Variants in ZNF678 observed in about 807,000 individuals in gnomAD.
ZNF678 encodes the protein hypothetical protein MGC42493.
A neutral mutation model predicts 3.0 loss-of-function variants in ZNF678; 5 were observed. That is an observed-to-expected ratio of 1.69 (90% confidence interval 0.88 to 3.56). ZNF678 has a LOEUF of 3.56. Among genes scored for constraint, ZNF678 ranks in the 30% most tolerant of loss-of-function variants. The pLI, the probability that ZNF678 is intolerant of heterozygous loss-of-function variation, is 0.00. For synonymous variants in ZNF678, 218 were observed against 199.6 expected, an observed-to-expected ratio of 1.09 and a Z score of -0.78; for missense variants, 593 against 605.0, an observed-to-expected ratio of 0.98 and a Z score of 0.21.
intron 1 of ZNF678, 123 bp downstream of exon 1, chr1:227,563,847 GC>G: frequency 1.1e-6 from 1 of 911,918 alleles, no homozygotes; most frequent in Non-Finnish European, 1.6e-6. Flanking sequence ...TAGGGGCGGG[GC>G]CAGGCCGCCG....
downstream of ZNF678, among the ~76,000 whole-genome samples, chr1:227,665,178 G>A (rs576846529): frequency 6.6e-5 from 10 of 152,322 alleles, no homozygotes; most frequent in East Asian, 1.7e-3. Context: ...GGGGTGGGAG[G>A]TAGCGTGGAC....
chr1:227,647,661 CT>C (rs1167215271), intron 2 of ZNF678, among the ~76,000 whole-genome samples: 5 of 152,164 alleles, frequency 3.3e-5, no homozygotes, highest in Non-Finnish European at 7.3e-5. Flanking sequence ...TTTTGTTTGT[CT>C]TCCCCTCACA....
chr1:227,590,276 C>G lies in ZNF678; in HGVS notation c.-164+26552C>G, dbSNP rs142905134. ...GTATCTTCGACTACTTGCCCCTGATCATCTATGTGCAGGCAGCAGTTGGTA... is the reference window on the plus strand; with the variant it reads ...GTATCTTCGACTACTTGCCCCTGATGATCTATGTGCAGGCAGCAGTTGGTA... On this transcript the variant is annotated intron_variant, in intron 1 of 3. Transcript: ENST00000343776. Among the ~76,000 whole-genome samples, 695 of 151,894 alleles carry G rather than the reference C, an allele frequency of 4.6e-3. 20 individuals carry two copies. The South Asian group carries it at 0.056, about 12-fold the overall frequency.
intron 1 of ZNF678, among the ~76,000 whole-genome samples, chr1:227,617,203 A>G (rs1400699800): frequency 6.6e-6 from 1 of 152,220 alleles, no homozygotes. Context: ...TTATCATGCA[A>G]TGTGACCTGA....
intron 1 of ZNF678, among the ~76,000 whole-genome samples, chr1:227,639,496 G>A (rs1166591023): frequency 6.6e-6 from 1 of 152,222 alleles, no homozygotes; most frequent in African/African-American, 2.4e-5. Context: ...GTTTAAAATA[G>A]TGGTTCCTTC....
At chr1:227,676,183 C>A (rs1659676943) in intron 5 of ZNF678, among the ~76,000 whole-genome samples, 1 of 152,188 alleles carries the variant, frequency 6.6e-6, no homozygotes, top group Non-Finnish European at 1.5e-5. Context: ...CTTAAATCAC[C>A]TGCCTATCCA....
chr1:227,600,865 ATG>A (rs1355581570), intron 1 of ZNF678, among the ~76,000 whole-genome samples: 3 of 152,270 alleles, frequency 2.0e-5, no homozygotes, highest in Admixed American at 2.0e-4. Flanking sequence ...GCCTGTCTGT[ATG>A]TCCAGGATGG....
At chr1:227,607,775 G>A (rs1402791688) in intron 1 of ZNF678, among the ~76,000 whole-genome samples, 1 of 145,032 alleles carries the variant, frequency 6.9e-6, no homozygotes, top group Admixed American at 6.9e-5. Flanking sequence ...TATTGTATAT[G>A]TATTAATTTA....
intron 5 of ZNF678, among the ~76,000 whole-genome samples, chr1:227,674,239 A>G (rs771655606): frequency 6.6e-6 from 1 of 152,246 alleles, no homozygotes; most frequent in Non-Finnish European, 1.5e-5. Flanking sequence ...GGTAATTGAT[A>G]CGTAAGTAGA....
intron 5 of ZNF678, among the ~76,000 whole-genome samples, chr1:227,667,797 C>T (rs964153038): frequency 2.6e-5 from 4 of 152,064 alleles, no homozygotes; most frequent in African/African-American, 9.7e-5. Flanking sequence ...TTATCAGGCT[C>T]CTAATGGATC....
At position 227,654,410 on chromosome 1, in the gene ZNF678, A is replaced by T; in HGVS notation, c.160A>T (p.Thr54Ser). 2.5e-6 allele frequency: 4 copies of T among 1,611,616 alleles called. No individual in the cohort carries two copies. The highest frequency in any genetic ancestry group is 3.4e-6 in the Non-Finnish European group (4 of 1,178,838). Residue 54 changes from threonine to serine, a missense_variant, in exon 4 of 4, where the codon ACA becomes TCA. Physicochemically the swap from Thr to Ser is moderately conservative, Grantham distance 58. Coordinates refer to ENST00000343776, the MANE Select transcript of ZNF678 (RefSeq NM_001367909.1). Reference protein sequence around the residue: ...MKDLCQKVTLTRHRSWGLDNL... With the variant: ...MKDLCQKVTLSRHRSWGLDNL... ...AGATTTATGCCAAAAAGTGACACTG[A>T]CAAGACATAGAAGCTGGGGCCTTGA... is the stretch of plus-strand genomic sequence containing the variant.
chr1:227,573,304 T>C (rs1354939297), intron 1 of ZNF678, among the ~76,000 whole-genome samples: 1 of 152,234 alleles, frequency 6.6e-6, no homozygotes, highest in Non-Finnish European at 1.5e-5. Flanking sequence ...TTTAATTCCA[T>C]GTACAAACAT....
At chr1:227,620,497 ATAT>A (rs1217602341) in intron 1 of ZNF678, among the ~76,000 whole-genome samples, 9 of 152,166 alleles carry the variant, frequency 5.9e-5, no homozygotes, top group Non-Finnish European at 1.2e-4. Context: ...TATTATGACA[ATAT>A]TATTGTTGAT....
At chr1:227,652,741 T>C (rs144568769) in intron 3 of ZNF678, among the ~76,000 whole-genome samples, 156 of 152,206 alleles carry the variant, frequency 1.0e-3, no homozygotes, top group African/African-American at 3.7e-3. Context: ...AACAGATGTT[T>C]ATTGTTGTTC....
chr1:227,662,685 C>G (rs932456975), downstream of ZNF678, among the ~76,000 whole-genome samples: 1 of 152,150 alleles, frequency 6.6e-6, no homozygotes, highest in African/African-American at 2.4e-5. Flanking sequence ...GTCACACAGA[C>G]ACCAGATTGG....
chr1:227,635,579 T>C (rs1012680245), intron 1 of ZNF678, among the ~76,000 whole-genome samples: 1 of 140,374 alleles, frequency 7.1e-6, no homozygotes, highest in Non-Finnish European at 1.6e-5. Flanking sequence ...ACATGCTGTT[T>C]TAATGAGCAC....
intron 3 of ZNF678, among the ~76,000 whole-genome samples, chr1:227,651,799 C>G (rs150016001): frequency 6.6e-6 from 1 of 152,136 alleles, no homozygotes; most frequent in South Asian, 2.1e-4. Context: ...GTCTCAAACA[C>G]CTGGCCTGAA....
At chr1:227,587,452 T>G (rs943472226) in intron 1 of ZNF678, among the ~76,000 whole-genome samples, 9 of 152,208 alleles carry the variant, frequency 5.9e-5, no homozygotes, top group Non-Finnish European at 8.8e-5. Context: ...TTTAGACTGA[T>G]GCTTTATAAG....
In ZNF678 at chr1:227,651,039, A is replaced by C. The variant is rs79916554; in HGVS notation, c.48A>C (p.Ala16=). 1.2e-6 allele frequency: 2 copies of C among 1,613,766 alleles called. No individual in the cohort carries two copies. Among genetic ancestry groups the C allele is most frequent in the South Asian group, 2.2e-5 (2 of 91,056 alleles). Reference sequence around the variant, plus strand: ...TTGGTGTCTGTGCATTTGAAGGAGCAAACACCTCTACCAGTTTTTATAAAC... The same window carrying C: ...TTGGTGTCTGTGCATTTGAAGGAGCCAACACCTCTACCAGTTTTTATAAAC... ...LCIGVCAFEG[A]NTSTSFYKLV... Residue 16 remains alanine (A), a synonymous_variant, in exon 3 of 4, where the codon GCA becomes GCC. Coordinates refer to ENST00000343776, the MANE Select transcript of ZNF678 (RefSeq NM_001367909.1).
Sources: allele counts gnomAD v4.1 joint callset (sites outside exome capture counted in the v4.1 genomes callset), GRCh38; gene constraint gnomAD v4.1.1; transcripts MANE v1.5; gene names NCBI Gene and HGNC (gene_info 2026-07-23, HGNC 2026-07-21).